Variants in PDZD2 observed in about 807,000 individuals in gnomAD.
PDZD2 encodes PDZ domain-containing protein 2.
A neutral mutation model predicts 220.7 loss-of-function variants in PDZD2; 90 were observed. The observed-to-expected ratio is 0.41, with a 90% CI of 0.34 to 0.49. The LOEUF is 0.49. PDZD2 is among the 20% of genes least tolerant of loss of function. The pLI, the probability that PDZD2 is intolerant of heterozygous loss-of-function variation, is 0.28. For missense variants in PDZD2, 3,174 were observed against 3,608.5 expected, an observed-to-expected ratio of 0.88 and a Z score of 3.08; for synonymous variants, 1,375 against 1,450.5, an observed-to-expected ratio of 0.95 and a Z score of 1.18.
chr5:31,908,740 T>C (rs1320657893), intron 2 of PDZD2: 1 of 1,024,306 alleles, frequency 9.8e-7, no homozygotes, highest in East Asian at 3.5e-5. Flanking sequence ...ACATCCTTAG[T>C]AATTTCAAAA....
chr5:31,985,116 A>G (rs1313704913), intron 3 of PDZD2, among the ~76,000 whole-genome samples: 1 of 96,458 alleles, frequency 1.0e-5, no homozygotes, highest in Non-Finnish European at 2.3e-5. Context: ...AGGATTAAGG[A>G]CAAAAAAAAA....
intron 1 of PDZD2, among the ~76,000 whole-genome samples, chr5:31,752,064 T>TTTA (rs1751005949): frequency 8.7e-5 from 9 of 104,022 alleles, no homozygotes; most frequent in Non-Finnish European, 1.5e-4. Context: ...GTTTTATTGT[T>TTTA]TTGGGTTTGT....
chr5:31,751,128 G>A (rs956565456), intron 1 of PDZD2, among the ~76,000 whole-genome samples: 1 of 151,976 alleles, frequency 6.6e-6, no homozygotes, highest in Admixed American at 6.6e-5. Context: ...TGTAGTCTCA[G>A]CTACTCGGAG....
Position 31,775,835 on chromosome 5 carries a change from T to TGCTTTAAAA in PDZD2, c.-360-23052_-360-23044dup, listed in dbSNP as rs1466437998. Among the ~76,000 whole-genome samples, 7 of 152,168 alleles carry TGCTTTAAAA rather than the reference T, an allele frequency of 4.6e-5. 2 individuals are homozygous for TGCTTTAAAA. Among genetic ancestry groups the TGCTTTAAAA allele is most frequent in the Admixed American group, 1.3e-4 (2 of 15,280 alleles). Reference sequence around the variant, plus strand: ...AGGTCTCCCACACTGGGCTTTTAATTGCTTTAAAAGAGGCTGAGCTTTGTG... The same window carrying TGCTTTAAAA: ...AGGTCTCCCACACTGGGCTTTTAATTGCTTTAAAAGCTTTAAAAGAGGCTGAGCTTTGTG... On this transcript the variant is annotated intron_variant, in intron 1 of 24. Coordinates refer to ENST00000438447, the MANE Select transcript of PDZD2 (RefSeq NM_178140.4).
intron 1 of PDZD2, among the ~76,000 whole-genome samples, chr5:31,717,705 A>T (rs1748536912): frequency 6.6e-6 from 1 of 152,144 alleles, no homozygotes; most frequent in Non-Finnish European, 1.5e-5. Context: ...GGACGTCCCC[A>T]TTCCGTTGTC....
chr5:32,082,327 A>G (rs551734820), intron 19 of PDZD2, among the ~76,000 whole-genome samples: 1 of 152,174 alleles, frequency 6.6e-6, no homozygotes, highest in African/African-American at 2.4e-5. Context: ...TAGCCAAAAC[A>G]TATCTTTTTT....
intron 1 of PDZD2, among the ~76,000 whole-genome samples, chr5:31,689,355 T>TATATATATATATATATA (rs1208262874): frequency 2.4e-4 from 5 of 20,868 alleles, no homozygotes; most frequent in African/African-American, 1.4e-3. Flanking sequence ...ATATATATAT[T>TATATATATATATATATA]TTTTTTTTTT....
chr5:32,040,081 C>T (rs183575269), intron 7 of PDZD2, among the ~76,000 whole-genome samples: 10 of 146,096 alleles, frequency 6.8e-5, no homozygotes, highest in African/African-American at 2.6e-4. Context: ...AGATGAGGAG[C>T]GCTTCTGCCC....
Position 32,092,921 on chromosome 5 carries a change from T to C in PDZD2, c.7742T>C (p.Leu2581Pro). The C allele has an allele frequency of 6.4e-7, 1 of 1,567,164 alleles. No homozygotes were observed. Among genetic ancestry groups the C allele is most frequent in the Non-Finnish European group, 8.8e-7 (1 of 1,138,646 alleles). Residue 2581 changes from leucine to proline, a missense_variant, in exon 21 of 25, where the codon CTA becomes CCA. By Grantham distance (98) the Leu-to-Pro change is moderately conservative. Transcript: ENST00000438447. ...RSWSVNLDQLLVSAGDQQRLQ... is the reference protein window; with the variant it reads ...RSWSVNLDQLPVSAGDQQRLQ... ...ATATTATTTAGTTTGGATCAACTTC[T>C]AGTCTCAGCGGGGGACCAGCAAAGA...
chr5:31,978,714 C>CAAAAAAAAAAAAAAAAAA (rs10632600), intron 2 of PDZD2, among the ~76,000 whole-genome samples: 1 of 127,988 alleles, frequency 7.8e-6, no homozygotes. Context: ...GACTCCATCT[C>CAAAAAAAAAAAAAAAAAA]AAAAAAAAAA....
chr5:31,767,327 CA>C (rs567150313), intron 1 of PDZD2, among the ~76,000 whole-genome samples: 431 of 152,296 alleles, frequency 2.8e-3, no homozygotes, highest in African/African-American at 1.0e-2. Context: ...CCACCACGCC[CA>C]ACCCCTTAAA....
intron 2 of PDZD2, among the ~76,000 whole-genome samples, chr5:31,891,746 T>C (rs1741064369): frequency 6.6e-6 from 1 of 152,188 alleles, no homozygotes; most frequent in African/African-American, 2.4e-5. Context: ...CTTTCCCCAC[T>C]GCTCCCAATA....
chr5:32,097,347 A>G lies in PDZD2; in HGVS notation c.7914A>G (p.Ala2638=), dbSNP rs200051256. The G allele has an allele frequency of 1.6e-5, 25 of 1,612,726 alleles. No individual in the cohort carries two copies. The Admixed American group carries it at 2.8e-4, about 18-fold the overall frequency. Residue 2638 remains alanine, a synonymous_variant, in exon 22 of 25, where the codon GCA becomes GCG. Coordinates refer to ENST00000438447, the MANE Select transcript of PDZD2 (RefSeq NM_178140.4). ...GCTCAGGTCTGGGATTCAGTGTGGCAGGAGGGACAGATGTGGAGCCAAAAT... is the reference window on the plus strand; with the variant it reads ...GCTCAGGTCTGGGATTCAGTGTGGCGGGAGGGACAGATGTGGAGCCAAAAT... ...KEGSGLGFSV[A]GGTDVEPKSI...
intron 2 of PDZD2, among the ~76,000 whole-genome samples, chr5:31,921,565 C>G (rs976419448): frequency 2.6e-5 from 4 of 152,122 alleles, no homozygotes; most frequent in Admixed American, 1.3e-4. Flanking sequence ...TGGTCTGCCC[C>G]TGCGGTCCCG....
rs575730415 is a variant in PDZD2 at position 31,864,974 on chromosome 5, G to A, written c.476+65250G>A. ...TGCTGTTCTCCTGCCTCAGCCCCCC[G>A]AGTAGCTGGGACTACAGGCGCCCGC... On this transcript the variant is annotated intron_variant, in intron 2 of 24. Coordinates refer to ENST00000438447, the MANE Select transcript of PDZD2 (RefSeq NM_178140.4). Among the ~76,000 whole-genome samples, 79 of 136,478 alleles carry A rather than the reference G, an allele frequency of 5.8e-4. 1 individual carries two copies. The South Asian group carries it at 0.011, about 19-fold the overall frequency. The allele number at this position is 136,478 out of a possible 152,430, so 89.5% of individuals were successfully genotyped here.
intron 2 of PDZD2, among the ~76,000 whole-genome samples, chr5:31,809,858 C>G (rs966661251): frequency 5.9e-5 from 9 of 152,196 alleles, no homozygotes; most frequent in African/African-American, 2.2e-4. Flanking sequence ...CAGAGATGCT[C>G]TTTAATTTTA....
chr5:31,850,334 A>G (rs75146282), intron 2 of PDZD2, among the ~76,000 whole-genome samples: 1 of 150,772 alleles, frequency 6.6e-6, no homozygotes, highest in Non-Finnish European at 1.5e-5. Flanking sequence ...CAATAAGGAA[A>G]ACAAAGGTCC....
chr5:32,024,974 C>T (rs748147808), intron 6 of PDZD2, among the ~76,000 whole-genome samples: 2 of 152,232 alleles, frequency 1.3e-5, no homozygotes, highest in Non-Finnish European at 2.9e-5. Flanking sequence ...TGGCTGAGCC[C>T]TGCTGTAGGT....
chr5:31,916,136 C>T (rs35540093), intron 2 of PDZD2, among the ~76,000 whole-genome samples: 4,237 of 152,190 alleles, frequency 0.028, 110 homozygotes, highest in Non-Finnish European at 0.036. Flanking sequence ...CTTGTTTTTT[C>T]TCCCAGACAT....
Sources: allele counts gnomAD v4.1 joint callset (sites outside exome capture counted in the v4.1 genomes callset), GRCh38; gene constraint gnomAD v4.1.1; transcripts MANE v1.5; gene names NCBI Gene and HGNC (gene_info 2026-07-23, HGNC 2026-07-21).